Variants in MAPK10 observed in about 807,000 individuals in gnomAD.
The protein encoded by MAPK10 is JNK3 alpha protein kinase.
A neutral mutation model predicts 59.3 loss-of-function variants in MAPK10; 25 were observed. The ratio of observed to expected loss-of-function variants is 0.42; its 90% CI spans 0.31 to 0.59. The LOEUF is 0.59. Among genes scored for constraint, MAPK10 ranks in the 20% least tolerant of loss-of-function variants. The pLI is 0.15. For synonymous variants in MAPK10, 190 were observed against 200.5 expected, an observed-to-expected ratio of 0.95 and a Z score of 0.44; for missense variants, 351 against 568.9, an observed-to-expected ratio of 0.62 and a Z score of 3.90.
chr4:86,160,883 C>T (rs984220197), intron 3 of MAPK10, among the ~76,000 whole-genome samples: 33 of 152,100 alleles, frequency 2.2e-4, no homozygotes, highest in South Asian at 2.1e-4. Flanking sequence ...AAAGTTTTGG[C>T]ATTTCATCTC....
chr4:86,015,762 T>C lies in MAPK10; in HGVS notation c.*1466A>G, dbSNP rs1421443613. 1.3e-5 allele frequency: 2 copies of C among 152,172 alleles called. No homozygotes were observed. The highest frequency in any genetic ancestry group is 4.8e-5 in the African/African-American group (2 of 41,442). The allele number at this position is 152,172 out of a possible 1,614,324, so 9.4% of individuals were successfully genotyped here. A position where few individuals can be genotyped will look rare whatever the true frequency, so the allele number is the denominator to read the frequency against. On this transcript the variant is annotated 3_prime_UTR_variant, in exon 14 of 14. Transcript: ENST00000641462. ...TGGGCAGAGTTATTGCTCTTACATC[T>C]ACTGCAGTACAAAACTCAGATGATC...
chr4:86,130,426 C>G (rs1159418496), intron 4 of MAPK10, among the ~76,000 whole-genome samples: 1 of 151,834 alleles, frequency 6.6e-6, no homozygotes, highest in Non-Finnish European at 1.5e-5. Flanking sequence ...TAGATTCAAA[C>G]TAAACAAATA....
upstream of MAPK10, among the ~76,000 whole-genome samples, chr4:86,457,715 T>C (rs547931954): frequency 9.9e-5 from 15 of 152,214 alleles, no homozygotes; most frequent in East Asian, 2.9e-3. Flanking sequence ...ATCAATATTG[T>C]GAAAATGACC....
intron 4 of MAPK10, chr4:86,159,076 C>CA (rs907187230): frequency 0.023 from 7,133 of 309,576 alleles, 2 homozygotes; most frequent in East Asian, 0.028. Flanking sequence ...TTTCTCTGAC[C>CA]AAAAAAAAAA....
At chr4:86,102,084 C>T (rs1334699953) in intron 6 of MAPK10, 52 bp from the exon 7 acceptor site, 1 of 1,546,522 alleles carries the variant, frequency 6.5e-7, no homozygotes. Context: ...TCTATGAAGT[C>T]CTTTGATTTA....
intron 11 of MAPK10, among the ~76,000 whole-genome samples, chr4:86,056,517 G>A (rs1487229150): frequency 6.7e-6 from 1 of 150,070 alleles, no homozygotes; most frequent in Non-Finnish European, 1.5e-5. Flanking sequence ...AAGACAACTG[G>A]TTAAGCCACA....
intron 1 of MAPK10, among the ~76,000 whole-genome samples, chr4:86,464,273 T>A (rs948287503): frequency 2.6e-5 from 4 of 152,254 alleles, no homozygotes; most frequent in Admixed American, 1.3e-4. Context: ...GTGCTAAGAA[T>A]GTTTTTACAG....
intron 1 of MAPK10, among the ~76,000 whole-genome samples, chr4:86,560,354 A>G (rs192363390): frequency 6.6e-6 from 1 of 152,342 alleles, no homozygotes; most frequent in East Asian, 1.9e-4. Flanking sequence ...GTTACAAAAT[A>G]ATCTCTTCTT....
chr4:86,441,409 G>A (rs1278253766), intron 1 of MAPK10, among the ~76,000 whole-genome samples: 1 of 152,118 alleles, frequency 6.6e-6, no homozygotes, highest in Admixed American at 6.5e-5. Context: ...CTCAGTTTAG[G>A]TTCAAAGAGA....
intron 2 of MAPK10, among the ~76,000 whole-genome samples, chr4:86,304,424 G>A (rs1386584456): frequency 1.7e-5 from 2 of 118,972 alleles, no homozygotes; most frequent in African/African-American, 3.4e-5. Context: ...ACGGAGTCCC[G>A]CTGTTTAGCC....
intron 3 of MAPK10, among the ~76,000 whole-genome samples, chr4:86,180,552 A>C (rs753729253): frequency 6.6e-6 from 1 of 151,736 alleles, no homozygotes; most frequent in Admixed American, 6.6e-5. Context: ...CTGCACCCCC[A>C]TGTTTACTGC....
chr4:86,068,900 G>GA (rs2047236135), intron 9 of MAPK10, among the ~76,000 whole-genome samples: 1 of 152,090 alleles, frequency 6.6e-6, no homozygotes, highest in Admixed American at 6.5e-5. Flanking sequence ...GATTTAAACA[G>GA]ATTTCCTCGC....
intron 2 of MAPK10, among the ~76,000 whole-genome samples, chr4:86,353,580 A>G (rs1417311189): frequency 6.6e-6 from 1 of 152,182 alleles, no homozygotes; most frequent in Non-Finnish European, 1.5e-5. Flanking sequence ...TGCTTTCTCA[A>G]TATAATGGTA....
intron 11 of MAPK10, among the ~76,000 whole-genome samples, chr4:86,048,989 TA>T (rs1019567125): frequency 2.2e-4 from 34 of 152,176 alleles, no homozygotes; most frequent in Admixed American, 7.9e-4. Flanking sequence ...GCTAATCTAG[TA>T]AAAACCGCCC....
intron 1 of MAPK10, among the ~76,000 whole-genome samples, chr4:86,516,217 C>A (rs1387447384): frequency 6.6e-6 from 1 of 152,110 alleles, no homozygotes; most frequent in East Asian, 1.9e-4. Context: ...TTTCTGGGTT[C>A]TCTATTCTGT....
At chr4:86,142,255 T>C (rs1379764146) in intron 4 of MAPK10, among the ~76,000 whole-genome samples, 2 of 152,204 alleles carry the variant, frequency 1.3e-5, no homozygotes, top group Non-Finnish European at 2.9e-5. Flanking sequence ...AGAGGTATGC[T>C]AATGTTTATG....
chr4:86,092,194 A>G lies in MAPK10; in HGVS notation c.802+6330T>C, dbSNP rs115622271. Among the ~76,000 whole-genome samples the G allele has an allele frequency of 5.8e-4, 88 of 152,184 alleles. 1 individual carries two copies. The highest frequency in any genetic ancestry group is 1.1e-3 in the Non-Finnish European group (74 of 67,990). ...ATCTGAAATTCTGATGTACATATTG[A>G]ATTTCATTTTCTTTATTTTAATATA... On this transcript the variant is annotated intron_variant, in intron 9 of 13. Coordinates refer to ENST00000641462, the MANE Select transcript of MAPK10 (RefSeq NM_138982.4).
At chr4:86,117,157 C>G (rs1348078241) in intron 4 of MAPK10, among the ~76,000 whole-genome samples, 1 of 152,146 alleles carries the variant, frequency 6.6e-6, no homozygotes, top group African/African-American at 2.4e-5. Context: ...GCCTATTGTC[C>G]CAGCTACCCA....
intron 1 of MAPK10, among the ~76,000 whole-genome samples, chr4:86,440,503 T>A (rs1260377493): frequency 2.6e-5 from 4 of 151,922 alleles, no homozygotes. Flanking sequence ...TGGTGGCACA[T>A]GCCTGTAGTC....
Sources: gnomAD v4.1 joint callset for allele counts (sites outside exome capture counted in the v4.1 genomes callset) on GRCh38, gnomAD v4.1.1 for gene constraint, MANE v1.5 for transcripts, NCBI Gene and HGNC (gene_info 2026-07-23, HGNC 2026-07-21) for gene names.